Variants in DCUN1D2 observed in about 807,000 individuals in gnomAD.
DCUN1D2 encodes DCN1-like protein 2.
In DCUN1D2, 29 loss-of-function variants were observed where a neutral mutation model predicts 30.9. That is an observed-to-expected ratio of 0.94 (90% CI 0.70 to 1.28). The LOEUF (loss-of-function observed/expected upper bound fraction) is 1.28. DCUN1D2 is among the 50% of genes most tolerant of loss of function. The probability of loss-of-function intolerance (pLI) is 0.00; values close to 1 mark genes in which losing one functional copy is unlikely to be tolerated. For synonymous variants in DCUN1D2, 121 were observed against 115.3 expected, an observed-to-expected ratio of 1.05 and a Z score of -0.32; for missense variants, 325 against 316.9, an observed-to-expected ratio of 1.03 and a Z score of -0.19.
In DCUN1D2 at chr13:113,490,635, C is replaced by A. The variant is rs2044950729; in HGVS notation, c.3+32G>T. 2 of 1,232,112 alleles carry A rather than the reference C, an allele frequency of 1.6e-6. No homozygotes were observed. The highest frequency in any genetic ancestry group is 4.3e-5 in the Admixed American group (1 of 23,010). The allele number at this position is 1,232,112 out of a possible 1,614,324, so 76.3% of individuals were successfully genotyped here. On this transcript the variant is annotated intron_variant, in intron 1 of 6. Transcript: ENST00000478244. The surrounding 1 kb of genome is among the most constrained non-coding windows in gnomAD (Gnocchi z 5.2). ...TTGGGGCCCGACCCCGACCCCGACC[C>A]CGACGGGCAGAGGCGACGCCGGGCC...
At chr13:113,477,949 G>A (rs1296381195) in intron 3 of DCUN1D2, among the ~76,000 whole-genome samples, 1 of 152,064 alleles carries the variant, frequency 6.6e-6, no homozygotes, top group African/African-American at 2.4e-5. Flanking sequence ...TAGGATTTTT[G>A]CATCTTATAA....
chr13:113,467,810 G>A (rs1279746541), intron 4 of DCUN1D2, among the ~76,000 whole-genome samples: 2 of 152,096 alleles, frequency 1.3e-5, no homozygotes, highest in African/African-American at 2.4e-5. Flanking sequence ...TTGGGAGGCC[G>A]AGGTGGGTGG....
At chr13:113,478,240 T>C (rs1192298537) in intron 3 of DCUN1D2, among the ~76,000 whole-genome samples, 1 of 152,232 alleles carries the variant, frequency 6.6e-6, no homozygotes, top group African/African-American at 2.4e-5. Context: ...TACAGAACTA[T>C]TAAGATGTTC....
rs75341848 is a variant in DCUN1D2 at position 113,482,969 on chromosome 13, T to G, written c.220+871A>C. ...AAACACACACACACACAGACAACAATAAACAAACAAACAAGAACTTAAAGC... is the reference window on the plus strand; with the variant it reads ...AAACACACACACACACAGACAACAAGAAACAAACAAACAAGAACTTAAAGC... On this transcript the variant is annotated intron_variant, in intron 2 of 6. Transcript: ENST00000478244. Among the ~76,000 whole-genome samples, 253 of 152,138 alleles carry G rather than the reference T, an allele frequency of 1.7e-3. 1 individual carries two copies. Among genetic ancestry groups the G allele is most frequent in the African/African-American group, 5.7e-3 (238 of 41,516 alleles).
intron 1 of DCUN1D2, chr13:113,484,343 A>C: frequency 2.0e-6 from 1 of 489,684 alleles, no homozygotes; most frequent in Non-Finnish European, 3.3e-6. Flanking sequence ...TTTCTCTAAA[A>C]CTCTCAGTAA....
chr13:113,474,874 T>A (rs2044587033), intron 3 of DCUN1D2, among the ~76,000 whole-genome samples: 1 of 152,224 alleles, frequency 6.6e-6, no homozygotes, highest in South Asian at 2.1e-4. Context: ...AGGGATCTCT[T>A]CATTACAGCA....
chr13:113,477,860 A>T (rs1435220676), intron 3 of DCUN1D2, among the ~76,000 whole-genome samples: 1 of 151,682 alleles, frequency 6.6e-6, no homozygotes, highest in African/African-American at 2.4e-5. Context: ...GATATAACCA[A>T]CTCTGTCATG....
rs915035986 is a variant in DCUN1D2, at chr13:113,456,596, A to C, written c.*1433T>G. The C allele has an allele frequency of 2.4e-5, 9 of 382,428 alleles. No homozygotes were observed. Among genetic ancestry groups the C allele is most frequent in the Non-Finnish European group, 4.2e-5 (9 of 216,358 alleles). 23.7% of individuals were successfully genotyped at this position (382,428 alleles called of 1,614,324 possible). On this transcript the variant is annotated 3_prime_UTR_variant, in exon 7 of 7. Coordinates refer to ENST00000478244, the MANE Select transcript of DCUN1D2 (RefSeq NM_001014283.2). ...TGTGACATGAGAGTCTCGGCACGTG[A>C]GGTAGGGTCAACAGTGATGTCCACA...
At chr13:113,467,237 C>A (rs2044420782) in intron 4 of DCUN1D2, among the ~76,000 whole-genome samples, 1 of 152,112 alleles carries the variant, frequency 6.6e-6, no homozygotes. Context: ...AGCAGAGGAG[C>A]CCGTTTACTG....
intron 1 of DCUN1D2, among the ~76,000 whole-genome samples, chr13:113,484,881 C>T (rs1293274907): frequency 6.6e-6 from 1 of 151,974 alleles, no homozygotes; most frequent in Non-Finnish European, 1.5e-5. Context: ...AGTTCAAGAC[C>T]ATCCTGGCCA....
At chr13:113,466,304 G>A (rs1022590199) in intron 4 of DCUN1D2, among the ~76,000 whole-genome samples, 1 of 152,170 alleles carries the variant, frequency 6.6e-6, no homozygotes, top group Admixed American at 6.5e-5. Flanking sequence ...CTCTTAGAAA[G>A]AAATAGAGTG....
Position 113,490,505 on chromosome 13 carries a change from C to A in DCUN1D2, c.3+162G>T. The A allele has an allele frequency of 1.3e-6, 1 of 775,402 alleles. No individual in the cohort carries two copies. Among genetic ancestry groups the A allele is most frequent in the Non-Finnish European group, 1.7e-6 (1 of 573,654 alleles). The allele number at this position is 775,402 out of a possible 1,614,324, so 48.0% of individuals were successfully genotyped here. A position where few individuals can be genotyped will look rare whatever the true frequency, so the allele number is the denominator to read the frequency against. On this transcript the variant is annotated intron_variant, in intron 1 of 6. Transcript: ENST00000478244. This position sits in a 1 kb window ranked among gnomAD's most constrained non-coding sequence, Gnocchi z 5.2. ...TCCCGCGCCTCCGACGCCACCGCTC[C>A]GGCTCGCGGGCCCGCGGCGCGTTCC...
In DCUN1D2 at chr13:113,455,969, C is replaced by A. The variant is rs1268274110; in HGVS notation, c.*2060G>T. On this transcript the variant is annotated 3_prime_UTR_variant, in exon 7 of 7. Transcript: ENST00000478244. ...GATATCTATTGACAATCCCTTAGAA[C>A]TTTAAATCTCAAAAACAAAAAAGTA... 2.7e-6 allele frequency: 1 copy of A among 373,194 alleles called. No individual in the cohort carries two copies. Among genetic ancestry groups the A allele is most frequent in the Non-Finnish European group, 4.7e-6 (1 of 211,304 alleles). 23.1% of individuals were successfully genotyped at this position (373,194 alleles called of 1,614,324 possible).
Position 113,458,048 on chromosome 13 carries a change from C to T in DCUN1D2, c.761G>A (p.Gly254Glu). Residue 254 changes from glycine to glutamate, a missense_variant, in exon 7 of 7, where the codon GGA (glycine) becomes GAA (glutamate). Physicochemically the swap from Gly to Glu is moderately conservative, Grantham distance 98. Coordinates refer to ENST00000478244, the MANE Select transcript of DCUN1D2 (RefSeq NM_001014283.2). ...TGCTGCCTAGAAAAGGCTGCGTTTT[C>T]CACCTGTGACTACTGGCCGTGCATA... ...VEYARPVVTG[G>E]KRSLF 6.2e-7 allele frequency: 1 copy of T among 1,614,146 alleles called. No individual in the cohort carries two copies. Among genetic ancestry groups the T allele is most frequent in the Non-Finnish European group, 8.5e-7 (1 of 1,179,996 alleles).
chr13:113,471,627 G>T (rs1415550840), intron 4 of DCUN1D2, among the ~76,000 whole-genome samples: 1 of 152,116 alleles, frequency 6.6e-6, no homozygotes, highest in Non-Finnish European at 1.5e-5. Flanking sequence ...CAAAGCAAAA[G>T]AAAAAATGGC....
intron 4 of DCUN1D2, among the ~76,000 whole-genome samples, chr13:113,465,827 C>A (rs1270694849): frequency 2.6e-5 from 4 of 151,870 alleles, no homozygotes; most frequent in African/African-American, 9.7e-5. Flanking sequence ...CCACCACACC[C>A]AGATAATTCT....
At chr13:113,489,154 C>T (rs1490937518) in intron 1 of DCUN1D2, 1 of 985,276 alleles carries the variant, frequency 1.0e-6, no homozygotes, top group Non-Finnish European at 1.2e-6. Context: ...CACTTTCACT[C>T]TGTTTCGGTA....
At position 113,490,578 on chromosome 13, in the gene DCUN1D2, C is replaced by G; in HGVS notation, c.3+89G>C. 8.7e-7 allele frequency: 1 copy of G among 1,152,876 alleles called. No homozygotes were observed. Among genetic ancestry groups the G allele is most frequent in the Non-Finnish European group, 1.1e-6 (1 of 920,054 alleles). The allele number at this position is 1,152,876 out of a possible 1,614,324, so 71.4% of individuals were successfully genotyped here. ...CCCCGCGCAGCTCGCTGGGCTCGGC[C>G]TCCCACATCCAGCGCGCCGCCTGCG... On this transcript the variant is annotated intron_variant, in intron 1 of 6. Transcript: ENST00000478244. This position sits in a 1 kb window ranked among gnomAD's most constrained non-coding sequence, Gnocchi z 5.2.
intron 5 of DCUN1D2, 123 bp downstream of exon 5, chr13:113,460,931 G>A: frequency 1.6e-6 from 1 of 616,400 alleles, no homozygotes; most frequent in Non-Finnish European, 2.8e-6. Flanking sequence ...GGATCTTTGT[G>A]TGGGATGTTC....
Sources: gnomAD v4.1 joint callset for allele counts (sites outside exome capture counted in the v4.1 genomes callset) on GRCh38, gnomAD v4.1.1 for gene constraint, Gnocchi (gnomAD v3.1) non-coding constraint, MANE v1.5 for transcripts, NCBI Gene and HGNC (gene_info 2026-07-23, HGNC 2026-07-21) for gene names.